Variants in RBFOX3 observed in about 807,000 individuals in gnomAD.
The protein encoded by RBFOX3 is RNA binding fox-1 homolog 3, also known as RNA binding protein fox-1 homolog 3.
In RBFOX3, 17 loss-of-function variants were observed where a neutral mutation model predicts 48.7. The ratio of observed to expected loss-of-function variants is 0.35; its 90% CI spans 0.24 to 0.52. The LOEUF (loss-of-function observed/expected upper bound fraction) is 0.52. Among genes scored for constraint, RBFOX3 ranks in the 20% least tolerant of loss-of-function variants. The pLI is 0.94. For missense variants in RBFOX3, 382 were observed against 497.5 expected (o/e 0.77, Z 2.21); for synonymous variants, 212 against 209.5 (o/e 1.01, Z -0.10).
chr17:79,631,363 G>A, the RBFOX3 span, among the ~76,000 whole-genome samples: 1 of 152,138 alleles, frequency 6.6e-6, no homozygotes, highest in Non-Finnish European at 1.5e-5. Context: ...CAGGAAGAAA[G>A]TCGTTGACTG....
At position 79,242,680 on chromosome 17, in the gene RBFOX3, C is replaced by T. The variant is rs920361991; in HGVS notation, c.-73-6875G>A. Among the ~76,000 whole-genome samples the T allele has an allele frequency of 6.6e-6, 1 of 152,064 alleles. No individual in the cohort carries two copies. The highest frequency in any genetic ancestry group is 1.5e-5 in the Non-Finnish European group (1 of 68,002). On this transcript the variant is annotated intron_variant, in intron 3 of 14. Coordinates refer to ENST00000693108, the MANE Select transcript of RBFOX3 (RefSeq NM_001350451.2). This position sits in a 1 kb window ranked among gnomAD's most constrained non-coding sequence, Gnocchi z 5.8. ...ACCGGGGAGTTCTGGCAGGTTCTGGCCATCACAGTAGTCCCTGGAGTGGCT... is the reference window on the plus strand; with the variant it reads ...ACCGGGGAGTTCTGGCAGGTTCTGGTCATCACAGTAGTCCCTGGAGTGGCT...
chr17:79,239,127 G>A (rs1367303719), intron 3 of RBFOX3, among the ~76,000 whole-genome samples: 1 of 152,152 alleles, frequency 6.6e-6, no homozygotes, highest in African/African-American at 2.4e-5. Flanking sequence ...TCCCTGGGAT[G>A]GTGCCTCGCT....
chr17:79,414,950 G>A (rs2065079136), intron 2 of RBFOX3, among the ~76,000 whole-genome samples: 1 of 152,226 alleles, frequency 6.6e-6, no homozygotes, highest in Admixed American at 6.5e-5. Flanking sequence ...CCCGTTCCCA[G>A]AGGGCTCCTG....
intron 4 of RBFOX3, among the ~76,000 whole-genome samples, chr17:79,169,587 G>A (rs1568272152): frequency 1.3e-5 from 2 of 152,190 alleles, no homozygotes; most frequent in African/African-American, 2.4e-5. Context: ...TGCAGCCCTC[G>A]AGAAACAGGA....
chr17:79,634,668 G>A, the RBFOX3 span, among the ~76,000 whole-genome samples: 3 of 152,268 alleles, frequency 2.0e-5, no homozygotes, highest in African/African-American at 7.2e-5. Flanking sequence ...AAGACAACGG[G>A]AGGGAGCACA....
At chr17:79,543,218 C>T (rs2089958369) in intron 1 of RBFOX3, among the ~76,000 whole-genome samples, 1 of 152,142 alleles carries the variant, frequency 6.6e-6, no homozygotes, top group African/African-American at 2.4e-5. Context: ...CAGAAAATCA[C>T]CTCCTCCACG....
intron 2 of RBFOX3, among the ~76,000 whole-genome samples, chr17:79,389,193 G>C (rs2060999019): frequency 1.3e-5 from 2 of 152,226 alleles, no homozygotes. Context: ...GCTCTTCCAG[G>C]AGAGCACTAA....
chr17:79,092,114 GAC>G (rs1794404924), intron 14 of RBFOX3: 2 of 985,546 alleles, frequency 2.0e-6, no homozygotes, highest in Non-Finnish European at 2.4e-6. Flanking sequence ...CAGGGTGCTG[GAC>G]ACTAGGGCCA....
At position 79,195,837 on chromosome 17, in the gene RBFOX3, T is replaced by A. The variant is rs936551430; in HGVS notation, c.-34+39929A>T. ...AAAGTGTCCTAGTGGCCAGCTCCCGTGCGGCTGCACTCGCTTGCATTTGGC... is the reference window on the plus strand; with the variant it reads ...AAAGTGTCCTAGTGGCCAGCTCCCGAGCGGCTGCACTCGCTTGCATTTGGC... On this transcript the variant is annotated intron_variant, in intron 4 of 14. Transcript: ENST00000693108. The surrounding 1 kb of genome is among the most constrained non-coding windows in gnomAD (Gnocchi z 5.3). 5.9e-5 allele frequency among the ~76,000 whole-genome samples: 9 copies of A among 152,214 alleles called. No individual in the cohort carries two copies. Among genetic ancestry groups the A allele is most frequent in the African/African-American group, 2.2e-4 (9 of 41,450 alleles).
chr17:79,563,758 G>T (rs967239315), intron 1 of RBFOX3, among the ~76,000 whole-genome samples: 1 of 152,168 alleles, frequency 6.6e-6, no homozygotes. Flanking sequence ...CCCACTGGCC[G>T]GGAGTCTAGG....
At chr17:79,520,801 C>A (rs2085956691) in intron 1 of RBFOX3, among the ~76,000 whole-genome samples, 1 of 152,180 alleles carries the variant, frequency 6.6e-6, no homozygotes, top group East Asian at 1.9e-4. Context: ...TGCCACACAG[C>A]CTCCCCCGGC....
Position 79,391,714 on chromosome 17 carries a change from G to A in RBFOX3, c.-174-83890C>T, listed in dbSNP as rs71387924. The stretch of plus-strand genomic sequence containing the variant: ...TATATGTGCGTGTGAGCGTGTGTGG[G>A]CACAGGAAAGTCTGTGTGCACGTGT... On this transcript the variant is annotated intron_variant, in intron 2 of 14. Coordinates refer to ENST00000693108, the MANE Select transcript of RBFOX3 (RefSeq NM_001350451.2). The surrounding 1 kb of genome is among the most constrained non-coding windows in gnomAD (Gnocchi z 5.0). Among the ~76,000 whole-genome samples the A allele has an allele frequency of 6.6e-6, 1 of 152,162 alleles. No individual in the cohort carries two copies. Among genetic ancestry groups the A allele is most frequent in the Non-Finnish European group, 1.5e-5 (1 of 68,026 alleles).
At chr17:79,652,968 G>C in the RBFOX3 span, among the ~76,000 whole-genome samples, 1 of 151,942 alleles carries the variant, frequency 6.6e-6, no homozygotes, top group Non-Finnish European at 1.5e-5. Flanking sequence ...CATATAATAG[G>C]ATCAAAAGCT....
intron 1 of RBFOX3, among the ~76,000 whole-genome samples, chr17:79,581,373 GATCTGACCAC>G (rs1445699500): frequency 1.3e-5 from 2 of 152,252 alleles, no homozygotes; most frequent in Non-Finnish European, 2.9e-5. Flanking sequence ...GGCTCAAGTG[GATCTGACCAC>G]TCCTTCAGGG....
intron 3 of RBFOX3, among the ~76,000 whole-genome samples, chr17:79,288,482 C>CA (rs376320366): frequency 6.6e-5 from 10 of 152,216 alleles, no homozygotes; most frequent in African/African-American, 2.2e-4. Context: ...CTGCAGCCCC[C>CA]CCCAGCCCGG....
intron 4 of RBFOX3, among the ~76,000 whole-genome samples, chr17:79,173,489 TTCTC>T (rs988899640): frequency 6.6e-6 from 1 of 152,168 alleles, no homozygotes; most frequent in Non-Finnish European, 1.5e-5. Context: ...GGAGGGCCTA[TTCTC>T]TCTAAGGGGC....
At chr17:79,285,196 C>A (rs889332374) in intron 3 of RBFOX3, among the ~76,000 whole-genome samples, 1 of 152,318 alleles carries the variant, frequency 6.6e-6, no homozygotes, top group Non-Finnish European at 1.5e-5. Flanking sequence ...GGGCTGTAAC[C>A]CTCTCCTCGC....
Position 79,174,394 on chromosome 17 carries a change from ACT to A in RBFOX3, c.-33-58648_-33-58647del, listed in dbSNP as rs1362533924. 1.1e-4 allele frequency among the ~76,000 whole-genome samples: 17 copies of A among 151,406 alleles called. No individual in the cohort carries two copies. In the South Asian group the frequency reaches 2.1e-3, roughly 19 times the overall value. On this transcript the variant is annotated intron_variant, in intron 4 of 14. Transcript: ENST00000693108. ...GCGCACACACACACATCCACAATGT[ACT>A]CTCACACTCAGACACGCACACATGC...
At chr17:79,279,877 C>T (rs1288739550) in intron 3 of RBFOX3, among the ~76,000 whole-genome samples, 2 of 152,190 alleles carry the variant, frequency 1.3e-5, no homozygotes, top group Non-Finnish European at 2.9e-5. Flanking sequence ...GGAGGAACAA[C>T]TGGAAGGTCT....
Sources: gnomAD v4.1 joint callset for allele counts (sites outside exome capture counted in the v4.1 genomes callset) on GRCh38, gnomAD v4.1.1 for gene constraint, Gnocchi (gnomAD v3.1) non-coding constraint, MANE v1.5 for transcripts, NCBI Gene and HGNC (gene_info 2026-07-23, HGNC 2026-07-21) for gene names.